Variants in HNRNPUL1 observed in about 807,000 individuals in gnomAD.
The protein encoded by HNRNPUL1 is heterogeneous nuclear ribonucleoprotein U-like protein 1.
Under a neutral mutation model 108.5 loss-of-function variants are expected in HNRNPUL1, and 14 were observed. That is an observed-to-expected ratio of 0.13 (90% CI 0.09 to 0.20). The LOEUF is 0.20. Among genes scored for constraint, HNRNPUL1 ranks in the 10% least tolerant of loss-of-function variants. HNRNPUL1 has a pLI of 1.00. For synonymous variants in HNRNPUL1, 422 were observed against 445.2 expected, an observed-to-expected ratio of 0.95 and a Z score of 0.66; for missense variants, 804 against 1,168.3, an observed-to-expected ratio of 0.69 and a Z score of 4.55.
At chr19:41,276,044 G>T in intron 4 of HNRNPUL1, 115 bp from the exon 5 acceptor site, 1 of 1,344,014 alleles carries the variant, frequency 7.4e-7, no homozygotes. Context: ...CGGAGGTTGC[G>T]GTGAGCCAAG....
intron 10 of HNRNPUL1, among the ~76,000 whole-genome samples, chr19:41,296,928 C>A (rs1389112634): frequency 6.6e-6 from 1 of 152,166 alleles, no homozygotes; most frequent in Non-Finnish European, 1.5e-5. Context: ...AATGCTCATC[C>A]TTGAGAGGGA....
chr19:41,273,585 C>G (rs1028764022), intron 3 of HNRNPUL1, among the ~76,000 whole-genome samples: 1 of 152,216 alleles, frequency 6.6e-6, no homozygotes, highest in Admixed American at 6.5e-5. Flanking sequence ...TATATAGGCT[C>G]TTGCACATTC....
chr19:41,302,442 C>T (rs1568459332), intron 11 of HNRNPUL1: 2 of 614,088 alleles, frequency 3.3e-6, no homozygotes, highest in Non-Finnish European at 6.0e-6. Flanking sequence ...TGGTCTTGAA[C>T]TCCTGACCTC....
chr19:41,302,957 A>G lies in HNRNPUL1; in HGVS notation c.1972+8A>G, dbSNP rs747179896. On this transcript the variant is annotated splice_region_variant and intron_variant, in intron 12 of 14. Coordinates refer to ENST00000392006, the MANE Select transcript of HNRNPUL1 (RefSeq NM_007040.6). ...GAGGCAACTACCGAGGAGGTGAGAC[A>G]TCTCACACACAGCACTCTCCACTTT... 2.6e-6 allele frequency: 4 copies of G among 1,520,760 alleles called. No individual in the cohort carries two copies. The highest frequency in any genetic ancestry group is 2.3e-5 in the East Asian group (1 of 44,132). 94.2% of individuals were successfully genotyped at this position (1,520,760 alleles called of 1,614,324 possible).
intron 12 of HNRNPUL1, 50 bp from the exon 13 acceptor site, chr19:41,303,922 G>T (rs773692081): frequency 1.8e-5 from 28 of 1,568,326 alleles, no homozygotes; most frequent in Non-Finnish European, 2.3e-5. Context: ...GTTCCCTGGG[G>T]TTGCCATTTG....
At chr19:41,269,513 A>G (rs949005139) in intron 2 of HNRNPUL1, among the ~76,000 whole-genome samples, 1 of 151,266 alleles carries the variant, frequency 6.6e-6, no homozygotes, top group African/African-American at 2.4e-5. Flanking sequence ...ACCTAAAATT[A>G]AAAGTAGGTT....
At chr19:41,265,362 G>A (rs1349081956) in intron 1 of HNRNPUL1, 13 of 1,522,082 alleles carry the variant, frequency 8.5e-6, no homozygotes, top group Non-Finnish European at 1.1e-5. Context: ...GTGGGTGGGA[G>A]AGGTGGAGGC....
At position 41,277,567 on chromosome 19, in the gene HNRNPUL1, C is replaced by T. The variant is rs570162204; in HGVS notation, c.786+1269C>T. On this transcript the variant is annotated intron_variant, in intron 5 of 14. Transcript: ENST00000392006. ...TGTTGTCCAGGCTGGAGTGCAGTGG[C>T]GCGATCTCGGCTCACTGCAACCTCT... 2.8e-4 allele frequency among the ~76,000 whole-genome samples: 42 copies of T among 152,252 alleles called. 1 individual carries two copies. Among genetic ancestry groups the T allele is most frequent in the South Asian group, 1.9e-3 (9 of 4,830 alleles).
intron 3 of HNRNPUL1, 119 bp from the exon 4 acceptor site, chr19:41,273,863 G>C: frequency 1.3e-6 from 1 of 759,912 alleles, no homozygotes; most frequent in East Asian, 2.6e-5. Flanking sequence ...TCTGTGGAAG[G>C]AAATGGAGAT....
At chr19:41,273,749 C>A (rs1056017347) in intron 3 of HNRNPUL1, among the ~76,000 whole-genome samples, 1 of 152,158 alleles carries the variant, frequency 6.6e-6, no homozygotes, top group Non-Finnish European at 1.5e-5. Flanking sequence ...CTGATGCCCC[C>A]CTTCAGCAGA....
chr19:41,299,720 A>C (rs2037093678), intron 10 of HNRNPUL1, among the ~76,000 whole-genome samples: 1 of 152,136 alleles, frequency 6.6e-6, no homozygotes, highest in African/African-American at 2.4e-5. Context: ...TAAAGGGCAC[A>C]GCGGGGATTT....
Position 41,302,509 on chromosome 19 carries a change from G to A in HNRNPUL1, c.1688-156G>A, listed in dbSNP as rs769548904. On this transcript the variant is annotated intron_variant, in intron 11 of 14. Transcript: ENST00000392006. ...GCTGGGATTACAGGCGTGAGCCACC[G>A]CGCCCGCCCTTCTGTCTATGTCTTT... 2.7e-5 allele frequency: 26 copies of A among 962,092 alleles called. No homozygotes were observed. The Middle Eastern group carries it at 6.1e-4, about 23-fold the overall frequency. The allele number at this position is 962,092 out of a possible 1,614,324, so 59.6% of individuals were successfully genotyped here. A position where few individuals can be genotyped will look rare whatever the true frequency, so the allele number is the denominator to read the frequency against.
At chr19:41,272,311 T>C in intron 3 of HNRNPUL1, 76 bp downstream of exon 3, 1 of 1,451,372 alleles carries the variant, frequency 6.9e-7, no homozygotes, top group Non-Finnish European at 9.5e-7. Context: ...CTGGGGACAT[T>C]TGCACTAACC....
At chr19:41,278,953 C>A (rs777891969) in intron 5 of HNRNPUL1, 124 bp from the exon 6 acceptor site, 1 of 738,700 alleles carries the variant, frequency 1.4e-6, no homozygotes, top group South Asian at 1.6e-5. Context: ...TGCTTAAACG[C>A]TTCTTCTCCA....
intron 5 of HNRNPUL1, 23 bp from the exon 6 acceptor site, chr19:41,279,054 G>T: frequency 1.3e-6 from 2 of 1,580,170 alleles, no homozygotes; most frequent in Non-Finnish European, 1.7e-6. Flanking sequence ...GCAACCCTGA[G>T]CCCTTTTGTC....
intron 7 of HNRNPUL1, among the ~76,000 whole-genome samples, chr19:41,285,301 A>T (rs1011925533): frequency 6.6e-6 from 1 of 152,200 alleles, no homozygotes; most frequent in Non-Finnish European, 1.5e-5. Context: ...ATCTCAGCTC[A>T]CTGCAGCCCC....
chr19:41,272,815 G>A (rs185069284), intron 3 of HNRNPUL1, among the ~76,000 whole-genome samples: 1 of 152,138 alleles, frequency 6.6e-6, no homozygotes. Flanking sequence ...CCTCTGCTTT[G>A]GTCATTTCCC....
In HNRNPUL1 at chr19:41,281,149, A is replaced by C; in HGVS notation, c.887-14A>C. On this transcript the variant is annotated splice_polypyrimidine_tract_variant and intron_variant, in intron 6 of 14. Transcript: ENST00000392006. ...TCGCAGGTTTAACCTGCCTTTGCCT[A>C]TTTCTTCCGTCAGGCGAAGAGCCTT... The C allele has an allele frequency of 6.3e-7, 1 of 1,588,804 alleles. No individual in the cohort carries two copies. The highest frequency in any genetic ancestry group is 2.2e-5 in the East Asian group (1 of 44,696).
chr19:41,303,520 A>G (rs2037364919), intron 12 of HNRNPUL1, among the ~76,000 whole-genome samples: 1 of 151,866 alleles, frequency 6.6e-6, no homozygotes, highest in Non-Finnish European at 1.5e-5. Context: ...ACGCCCGGCT[A>G]ATTTTGTATT....
Sources: allele counts gnomAD v4.1 joint callset (sites outside exome capture counted in the v4.1 genomes callset), GRCh38; gene constraint gnomAD v4.1.1; transcripts MANE v1.5; gene names NCBI Gene and HGNC (gene_info 2026-07-23, HGNC 2026-07-21).